The following STS variants were observed in gnomAD, a reference collection of about 807,000 sequenced individuals.
The protein encoded by STS is steroid sulfatase.
A neutral mutation model predicts 26.8 loss-of-function variants in STS; 7 were observed. The ratio of observed to expected loss-of-function variants is 0.26; its 90% CI spans 0.15 to 0.49. The LOEUF (loss-of-function observed/expected upper bound fraction) is 0.49. Among genes scored for constraint, STS ranks in the 20% least tolerant of loss-of-function variants. The pLI is 0.98. For missense variants in STS, 434 were observed against 465.6 expected (o/e 0.93, Z 0.63); for synonymous variants, 199 against 189.4 (o/e 1.05, Z -0.42).
At chrX:7,325,308 G>C (rs768694443) in intron 8 of STS, 31 bp from the exon 9 acceptor site, 2 of 1,207,498 alleles carry the variant, frequency 1.7e-6, no homozygotes, top group Non-Finnish European at 1.1e-6. Flanking sequence ...AAATCTCCCT[G>C]TTGCCTCTTA....
intron 2 of STS, among the ~76,000 whole-genome samples, chrX:7,208,982 G>A (rs1373320279): frequency 9.0e-6 from 1 of 111,513 alleles, no homozygotes; most frequent in East Asian, 2.8e-4. Flanking sequence ...CTCCTTCTTA[G>A]AGGGGCCTTT....
At chrX:7,301,826 G>C (rs181807310) in intron 7 of STS, among the ~76,000 whole-genome samples, 16 of 111,974 alleles carry the variant, frequency 1.4e-4, no homozygotes, top group Admixed American at 2.9e-4. Context: ...AGCCTTTTCA[G>C]ATTGACTCCT....
chrX:7,234,896 T>C (rs1029659938), intron 2 of STS, among the ~76,000 whole-genome samples: 1 of 111,767 alleles, frequency 8.9e-6, no homozygotes, highest in African/African-American at 3.3e-5. Context: ...GAAGAGATCA[T>C]TTAAACATAG....
Position 7,219,609 on chromosome X carries a change from G to A in STS, c.-5+28601G>A, listed in dbSNP as rs146468716. ...GGTGCAGAAACCATGAACAGAGGAT[G>A]AACAAGTGAAGTTGCAATCTCCTCC... On this transcript the variant is annotated intron_variant, in intron 2 of 10. Transcript: ENST00000674429. 2,206 of 1,208,992 alleles carry A rather than the reference G, an allele frequency of 1.8e-3. 59 individuals carry two copies. The East Asian group carries it at 0.058, about 32-fold the overall frequency.
intron 1 of STS, among the ~76,000 whole-genome samples, chrX:7,175,493 CAACAAAACAA>C (rs200425206): frequency 2.9e-5 from 3 of 104,203 alleles, no homozygotes; most frequent in African/African-American, 1.1e-4. Context: ...GACCTGGTCT[CAACAAAACAA>C]AACAAAACAA....
At chrX:7,174,434 G>A (rs1345025669) in intron 1 of STS, among the ~76,000 whole-genome samples, 3 of 111,599 alleles carry the variant, frequency 2.7e-5, no homozygotes, top group Non-Finnish European at 5.6e-5. Flanking sequence ...TAAACTGCAT[G>A]CAACTTCTGA....
rs1754326721 is a variant in STS at position 7,257,311 on chromosome X, G to A, written c.207G>A (p.Leu69=). 1.7e-6 allele frequency: 2 copies of A among 1,212,057 alleles called. No individual in the cohort carries two copies. The highest frequency in any genetic ancestry group is 2.2e-6 in the Non-Finnish European group (2 of 895,471). ...CTCAGCACCTGGCAGCATCACCGCT[G>A]TGCACACCAAGCAGGGCAGCCTTCA... is the stretch of plus-strand genomic sequence containing the variant. The part of the protein sequence containing the change: ...KLTQHLAASP[L]CTPSRAAFMT... The change falls in exon 4 of 11, where the codon CTG becomes CTA. Residue 69 remains leucine, a synonymous_variant. Coordinates refer to ENST00000674429, the MANE Select transcript of STS (RefSeq NM_001320752.2).
intron 10 of STS, among the ~76,000 whole-genome samples, chrX:7,344,172 A>C (rs1235646043): frequency 8.9e-6 from 1 of 111,841 alleles, no homozygotes; most frequent in Non-Finnish European, 1.9e-5. Flanking sequence ...ATTAGCCCTG[A>C]CATTTCAGGG....
intron 6 of STS, among the ~76,000 whole-genome samples, chrX:7,266,382 A>G (rs894624542): frequency 8.9e-6 from 1 of 111,973 alleles, no homozygotes; most frequent in Non-Finnish European, 1.9e-5. Flanking sequence ...AAGATGCTTC[A>G]TTGGTTTGTG....
intron 2 of STS, among the ~76,000 whole-genome samples, chrX:7,207,622 C>A (rs1163528499): frequency 1.8e-5 from 2 of 111,744 alleles, no homozygotes; most frequent in African/African-American, 6.5e-5. Flanking sequence ...CCATATAGTA[C>A]AATGTAATGA....
At chrX:7,257,891 G>T (rs1325584212) in intron 5 of STS, among the ~76,000 whole-genome samples, 1 of 110,636 alleles carries the variant, frequency 9.0e-6, no homozygotes, top group African/African-American at 3.3e-5. Context: ...AATGATAGAT[G>T]GATGAATGGA....
intron 10 of STS, among the ~76,000 whole-genome samples, chrX:7,341,961 A>G (rs1928307069): frequency 9.1e-6 from 1 of 110,023 alleles, no homozygotes. Flanking sequence ...ACGGGCGCCC[A>G]CCACCACGCC....
At chrX:7,328,540 G>A (rs1927588487) in intron 9 of STS, among the ~76,000 whole-genome samples, 1 of 100,394 alleles carries the variant, frequency 1.0e-5, no homozygotes, top group African/African-American at 3.7e-5. Context: ...GACCTCAGAG[G>A]TGCTTGCTGA....
intron 2 of STS, among the ~76,000 whole-genome samples, chrX:7,235,358 C>G (rs1202588182): frequency 8.9e-6 from 1 of 112,276 alleles, no homozygotes; most frequent in Non-Finnish European, 1.9e-5. Flanking sequence ...CAAGTCTGTA[C>G]ATTTGCTAAA....
intron 10 of STS, among the ~76,000 whole-genome samples, chrX:7,336,765 G>A (rs1280862149): frequency 8.9e-6 from 1 of 112,169 alleles, no homozygotes; most frequent in Non-Finnish European, 1.9e-5. Flanking sequence ...CTGCATGTTC[G>A]AATAAGTCTG....
intron 10 of STS, among the ~76,000 whole-genome samples, chrX:7,340,782 C>T (rs1340505913): frequency 8.9e-6 from 1 of 112,249 alleles, no homozygotes. Flanking sequence ...GCGGCTTTTC[C>T]ACCTCCTGTA....
At chrX:7,339,477 A>G (rs1242000656) in intron 10 of STS, among the ~76,000 whole-genome samples, 1 of 112,400 alleles carries the variant, frequency 8.9e-6, no homozygotes, top group African/African-American at 3.2e-5. Flanking sequence ...TTCTCTGTGA[A>G]CACTTCAAAT....
At chrX:7,305,423 G>A (rs1374894982) in intron 8 of STS, among the ~76,000 whole-genome samples, 1 of 112,399 alleles carries the variant, frequency 8.9e-6, no homozygotes, top group Non-Finnish European at 1.9e-5. Flanking sequence ...AAATGTAAAT[G>A]CAGCCTCATA....
chrX:7,153,474 T>C (rs770917737), intron 1 of STS, among the ~76,000 whole-genome samples: 5 of 75,044 alleles, frequency 6.7e-5, no homozygotes, highest in Non-Finnish European at 1.2e-4. Context: ...TCCTCCTCCT[T>C]CTCTCTTTCT....
Sources: allele counts gnomAD v4.1 joint callset (sites outside exome capture counted in the v4.1 genomes callset), GRCh38; gene constraint gnomAD v4.1.1; transcripts MANE v1.5; gene names NCBI Gene and HGNC (gene_info 2026-07-23, HGNC 2026-07-21).